DST: variants seen among roughly 807,000 people sequenced by gnomAD.
DST encodes bullous pemphigoid antigen.
DST carries 253 observed loss-of-function variants against 875.2 expected under a neutral mutation model. That is an observed-to-expected ratio of 0.29 (90% confidence interval 0.26 to 0.32). The LOEUF (loss-of-function observed/expected upper bound fraction) is 0.32, where lower values mean the gene tolerates loss of function less well. DST is among the 10% of genes least tolerant of loss of function. The pLI is 1.00. For missense variants in DST, 8,287 were observed against 9,111.6 expected (o/e 0.91, Z 3.68); for synonymous variants, 3,124 against 3,197.1 (o/e 0.98, Z 0.77).
intron 2 of DST, among the ~76,000 whole-genome samples, chr6:56,944,994 T>C (rs1818711958): frequency 6.6e-6 from 1 of 152,206 alleles, no homozygotes; most frequent in Non-Finnish European, 1.5e-5. Context: ...GTGCCAACCA[T>C]TCTCCAACCA....
chr6:56,514,737 C>T (rs2096557285), intron 72 of DST, among the ~76,000 whole-genome samples: 1 of 152,094 alleles, frequency 6.6e-6, no homozygotes, highest in Admixed American at 6.6e-5. Context: ...TTTTTTCTGA[C>T]AGTCTGGAAT....
At chr6:56,869,967 T>C (rs924255394) in intron 3 of DST, among the ~76,000 whole-genome samples, 18 of 152,126 alleles carry the variant, frequency 1.2e-4, no homozygotes, top group Non-Finnish European at 2.6e-4. Context: ...ATTACAGGCA[T>C]GAGCCACCCG....
intron 2 of DST, among the ~76,000 whole-genome samples, chr6:56,919,954 G>A (rs541385776): frequency 2.0e-5 from 3 of 151,890 alleles, no homozygotes; most frequent in East Asian, 3.9e-4. Flanking sequence ...CTCTGTCTCC[G>A]GGAAAAAAGA....
In DST at chr6:56,806,640, G is replaced by T. The variant is rs143740615; in HGVS notation, c.625+44757C>A. Among the ~76,000 whole-genome samples the T allele has an allele frequency of 3.4e-3, 516 of 152,324 alleles. 4 individuals carry two copies. The highest frequency in any genetic ancestry group is 0.012 in the African/African-American group (501 of 41,580). On this transcript the variant is annotated intron_variant, in intron 4 of 103. Coordinates refer to ENST00000680361, the MANE Select transcript of DST (RefSeq NM_001374736.1). ...AGCAGCTGCTACTAACCATCTGGTT[G>T]CTGGGCAAGAATAACTATTTGGCAG...
At chr6:56,470,863 T>C (rs2094854559) in intron 95 of DST, among the ~76,000 whole-genome samples, 1 of 149,618 alleles carries the variant, frequency 6.7e-6, no homozygotes, top group Non-Finnish European at 1.5e-5. Context: ...AACTTTATTA[T>C]TCTAACAAGT....
chr6:56,726,832 A>C (rs1431862920), intron 5 of DST, among the ~76,000 whole-genome samples: 1 of 152,190 alleles, frequency 6.6e-6, no homozygotes, highest in Non-Finnish European at 1.5e-5. Flanking sequence ...TACACATCAA[A>C]TTCCTTAGTA....
chr6:56,663,747 C>T (rs1660306155), intron 10 of DST, among the ~76,000 whole-genome samples: 1 of 152,136 alleles, frequency 6.6e-6, no homozygotes, highest in Admixed American at 6.5e-5. Context: ...CTATTATATT[C>T]TCATTCAAAA....
At chr6:56,939,887 G>A (rs1353609168) in intron 2 of DST, among the ~76,000 whole-genome samples, 1 of 151,968 alleles carries the variant, frequency 6.6e-6, no homozygotes, top group Non-Finnish European at 1.5e-5. Context: ...TTAGCCAGGT[G>A]TGGTGGCGGG....
chr6:56,468,877 G>T, intron 98 of DST, 105 bp downstream of exon 98: 2 of 875,246 alleles, frequency 2.3e-6, no homozygotes, highest in South Asian at 1.8e-5. Context: ...GTAGTAGCTA[G>T]GGAGACAGCA....
At chr6:56,659,422 A>C (rs2099027341) in intron 10 of DST, among the ~76,000 whole-genome samples, 1 of 152,186 alleles carries the variant, frequency 6.6e-6, no homozygotes, top group Non-Finnish European at 1.5e-5. Flanking sequence ...TGGGAGAAAA[A>C]CCAGGAGTAC....
intron 5 of DST, among the ~76,000 whole-genome samples, chr6:56,705,273 A>G (rs1354755502): frequency 6.6e-6 from 1 of 152,236 alleles, no homozygotes; most frequent in Non-Finnish European, 1.5e-5. Context: ...AAGGAGCCAA[A>G]GAAGTGGGCA....
intron 75 of DST, 94 bp downstream of exon 75, chr6:56,508,435 G>T: frequency 1.0e-6 from 1 of 993,852 alleles, no homozygotes; most frequent in Non-Finnish European, 1.6e-6. Flanking sequence ...AAATATAAAT[G>T]TTAACAGAGT....
In DST at chr6:56,645,912, T is replaced by C; in HGVS notation, c.1732A>G (p.Ile578Val). The C allele has an allele frequency of 6.2e-7, 1 of 1,613,854 alleles. No homozygotes were observed. Among genetic ancestry groups the C allele is most frequent in the Non-Finnish European group, 8.5e-7 (1 of 1,179,786 alleles). Residue 578 changes from isoleucine to valine, a missense_variant, in exon 15 of 104, where the codon ATT becomes GTT. Coordinates refer to ENST00000680361, the MANE Select transcript of DST (RefSeq NM_001374736.1). ...DIEKEWGKLI[I>V]AMLEREKALR... ...GCCTTCTCTCTCTCTAGCATGGCAA[T>C]AATGAGTTTCCCCCACTCTTTTTCT...
rs995333146 is a variant in DST, at chr6:56,555,937, T to C, written c.14641-97A>G. The C allele has an allele frequency of 1.7e-5, 22 of 1,283,458 alleles. No individual in the cohort carries two copies. The African/African-American group carries it at 3.0e-4, about 17-fold the overall frequency. The allele number at this position is 1,283,458 out of a possible 1,614,324, so 79.5% of individuals were successfully genotyped here. On this transcript the variant is annotated intron_variant, in intron 59 of 103. Transcript: ENST00000680361. Reference sequence around the variant, plus strand: ...AACAGACAGAAATGGTAATTATTTCTCCAGTTTTTGTTTTTTAGTTATCAC... The same window carrying C: ...AACAGACAGAAATGGTAATTATTTCCCCAGTTTTTGTTTTTTAGTTATCAC...
In DST at chr6:56,740,435, G is replaced by A. The variant is rs140152744; in HGVS notation, c.626-5146C>T. 2.3e-4 allele frequency among the ~76,000 whole-genome samples: 35 copies of A among 152,296 alleles called. No homozygotes were observed. The East Asian group carries it at 5.8e-3, about 25-fold the overall frequency. On this transcript the variant is annotated intron_variant, in intron 4 of 103. Transcript: ENST00000680361. ...TGTATGCAAGCACAAAAGAGAGAAG[G>A]ACCAACCTCATCCAGGGCAGTCAGG...
chr6:56,816,669 C>A (rs1015225262), intron 4 of DST, among the ~76,000 whole-genome samples: 1 of 152,142 alleles, frequency 6.6e-6, no homozygotes, highest in Non-Finnish European at 1.5e-5. Flanking sequence ...CTATCGCGTG[C>A]AGGACTGAGG....
intron 24 of DST, 72 bp from the exon 25 acceptor site, chr6:56,635,025 AATT>A: frequency 1.6e-6 from 2 of 1,280,990 alleles, no homozygotes; most frequent in Non-Finnish European, 2.2e-6. Flanking sequence ...ACTTTACACA[AATT>A]AAACTTCATC....
chr6:56,862,171 ATCTG>A (rs1024270861), intron 3 of DST, among the ~76,000 whole-genome samples: 9 of 152,218 alleles, frequency 5.9e-5, no homozygotes, highest in African/African-American at 1.7e-4. Flanking sequence ...CCAAGTGTCT[ATCTG>A]TCTGTCTCTC....
chr6:56,839,459 A>G (rs2099797401), intron 4 of DST, among the ~76,000 whole-genome samples: 1 of 152,242 alleles, frequency 6.6e-6, no homozygotes, highest in African/African-American at 2.4e-5. Flanking sequence ...CTATAATATT[A>G]TCATGATGCA....
Sources: gnomAD v4.1 joint callset for allele counts (sites outside exome capture counted in the v4.1 genomes callset) on GRCh38, gnomAD v4.1.1 for gene constraint, MANE v1.5 for transcripts, NCBI Gene and HGNC (gene_info 2026-07-23, HGNC 2026-07-21) for gene names.